Variants in MGAT5 observed in about 807,000 individuals in gnomAD.
The protein encoded by MGAT5 is alpha-1,6-mannosylglycoprotein 6-beta-N-acetylglucosaminyltransferase A.
MGAT5 carries 30 observed loss-of-function variants against 94.3 expected under a neutral mutation model. The ratio of observed to expected loss-of-function variants is 0.32; its 90% CI spans 0.24 to 0.43. The LOEUF (loss-of-function observed/expected upper bound fraction) is 0.43. Ranked by LOEUF, MGAT5 falls within the 20% of genes least tolerant of loss-of-function variation. The pLI is 1.00. For missense variants in MGAT5, 691 were observed against 905.5 expected (o/e 0.76, Z 3.04); for synonymous variants, 310 against 322.9 (o/e 0.96, Z 0.43).
At chr2:134,387,327 TATA>T (rs1396847251) in intron 10 of MGAT5, among the ~76,000 whole-genome samples, 31 of 45,960 alleles carry the variant, frequency 6.7e-4, no homozygotes, top group Admixed American at 1.1e-3. Context: ...TATATATATA[TATA>T]TATTTTTTTT....
intron 1 of MGAT5, among the ~76,000 whole-genome samples, chr2:134,154,808 A>G (rs2105031240): frequency 6.6e-6 from 1 of 152,326 alleles, no homozygotes; most frequent in East Asian, 1.9e-4. Flanking sequence ...TTAATTAAAG[A>G]GAAACTCTGC....
chr2:134,155,967 C>T lies in MGAT5; in HGVS notation c.-143+35676C>T, dbSNP rs370124989. 1.8e-3 allele frequency among the ~76,000 whole-genome samples: 279 copies of T among 152,312 alleles called. 3 individuals carry two copies. The highest frequency in any genetic ancestry group is 6.4e-3 in the African/African-American group (266 of 41,568). ...ATTCTCTGCTGCTCTCCCCGCCGTT[C>T]TTTTCTTCATAGTAGTTGCCACAGT... is the stretch of plus-strand genomic sequence containing the variant. On this transcript the variant is annotated intron_variant, in intron 1 of 16. Transcript: ENST00000409645.
chr2:134,445,667 C>T (rs1454997876), intron 15 of MGAT5, among the ~76,000 whole-genome samples: 1 of 152,024 alleles, frequency 6.6e-6, no homozygotes, highest in East Asian at 1.9e-4. Flanking sequence ...CCTGATGGGC[C>T]CAGAAACTTT....
At chr2:134,351,582 G>C (rs1299338379) in intron 9 of MGAT5, among the ~76,000 whole-genome samples, 1 of 152,006 alleles carries the variant, frequency 6.6e-6, no homozygotes, top group Non-Finnish European at 1.5e-5. Flanking sequence ...CAGCAGTATT[G>C]GTTGATTAAA....
chr2:134,405,516 G>C (rs932767892), intron 11 of MGAT5, among the ~76,000 whole-genome samples: 7 of 152,316 alleles, frequency 4.6e-5, no homozygotes, highest in Middle Eastern at 3.4e-3. Context: ...GACCAGTCAG[G>C]CTTCGCATCT....
intron 2 of MGAT5, among the ~76,000 whole-genome samples, chr2:134,311,085 A>C (rs17715420): frequency 0.15 from 22,159 of 152,272 alleles, 1,766 homozygotes; most frequent in Middle Eastern, 0.35. Flanking sequence ...AAATATCTTT[A>C]GAGTGTCATT....
chr2:134,256,188 GTAAC>G (rs777951308), intron 1 of MGAT5, among the ~76,000 whole-genome samples: 54 of 152,314 alleles, frequency 3.5e-4, no homozygotes, highest in Non-Finnish European at 6.8e-4. Flanking sequence ...ACACTGAAAA[GTAAC>G]TAGGTAGTTT....
At chr2:134,131,306 A>G (rs1686152027) in intron 1 of MGAT5, among the ~76,000 whole-genome samples, 2 of 152,174 alleles carry the variant, frequency 1.3e-5, no homozygotes, top group Admixed American at 6.5e-5. Context: ...GAACCCACCA[A>G]TTCGGGCCAC....
intron 10 of MGAT5, among the ~76,000 whole-genome samples, chr2:134,373,816 G>A (rs1265013907): frequency 2.0e-5 from 3 of 152,174 alleles, no homozygotes; most frequent in Non-Finnish European, 4.4e-5. Context: ...CTCCCAACTC[G>A]ATGAAGCCTT....
chr2:134,232,512 A>G (rs1292977568), intron 1 of MGAT5, among the ~76,000 whole-genome samples: 1 of 152,240 alleles, frequency 6.6e-6, no homozygotes, highest in Non-Finnish European at 1.5e-5. Context: ...ATGATACCCA[A>G]TAAGTAATGC....
At chr2:134,287,428 CTTTT>C (rs1355538411) in intron 2 of MGAT5, among the ~76,000 whole-genome samples, 2 of 152,048 alleles carry the variant, frequency 1.3e-5, no homozygotes, top group East Asian at 3.9e-4. Context: ...TTTGAGTTCA[CTTTT>C]CTTTCTTTGG....
intron 10 of MGAT5, among the ~76,000 whole-genome samples, chr2:134,378,588 A>G (rs181692483): frequency 2.0e-5 from 3 of 150,466 alleles, no homozygotes; most frequent in Non-Finnish European, 4.4e-5. Context: ...AACACTAATC[A>G]TATACAACTC....
intron 4 of MGAT5, among the ~76,000 whole-genome samples, chr2:134,319,362 A>G (rs1687186206): frequency 6.6e-6 from 1 of 152,266 alleles, no homozygotes; most frequent in African/African-American, 2.4e-5. Flanking sequence ...AATTATTTAG[A>G]GAAAGGAGGA....
chr2:134,403,548 T>A (rs1486272133), intron 11 of MGAT5, among the ~76,000 whole-genome samples: 1 of 152,240 alleles, frequency 6.6e-6, no homozygotes, highest in Non-Finnish European at 1.5e-5. Context: ...CTTTTCCTCA[T>A]ACCTCCTTGT....
chr2:134,357,452 T>A (rs193022709), intron 9 of MGAT5, among the ~76,000 whole-genome samples: 35 of 152,352 alleles, frequency 2.3e-4, no homozygotes, highest in Admixed American at 2.1e-3. Flanking sequence ...AACAGGAATT[T>A]TAGAACCAAG....
intron 1 of MGAT5, among the ~76,000 whole-genome samples, chr2:134,185,293 A>G (rs67611422): frequency 0.15 from 22,457 of 152,082 alleles, 1,778 homozygotes; most frequent in Admixed American, 0.21. Flanking sequence ...GATAAGAACT[A>G]TGCCTTTCAA....
chr2:134,158,458 A>T (rs1345110087), intron 1 of MGAT5, among the ~76,000 whole-genome samples: 2 of 152,170 alleles, frequency 1.3e-5, no homozygotes, highest in Admixed American at 6.5e-5. Context: ...AGTGCCTAGG[A>T]CTTGGCCTCG....
At chr2:134,298,955 T>C (rs768802959) in intron 2 of MGAT5, among the ~76,000 whole-genome samples, 11 of 152,204 alleles carry the variant, frequency 7.2e-5, no homozygotes, top group Non-Finnish European at 1.3e-4. Flanking sequence ...ATTTAGAAGA[T>C]AAGAATTCTT....
At chr2:134,382,293 G>A (rs771773993) in intron 10 of MGAT5, among the ~76,000 whole-genome samples, 7 of 151,840 alleles carry the variant, frequency 4.6e-5, no homozygotes, top group Non-Finnish European at 8.8e-5. Context: ...CCCAGCTCCA[G>A]ATCAGTAGAT....
Sources: allele counts gnomAD v4.1 joint callset (sites outside exome capture counted in the v4.1 genomes callset), GRCh38; gene constraint gnomAD v4.1.1; transcripts MANE v1.5; gene names NCBI Gene and HGNC (gene_info 2026-07-23, HGNC 2026-07-21).